The following HEATR1 variants were observed in gnomAD, a reference collection of about 807,000 sequenced individuals.
HEATR1 encodes HEAT repeat-containing protein 1.
A neutral mutation model predicts 248.2 loss-of-function variants in HEATR1; 77 were observed. That is an observed-to-expected ratio of 0.31 (90% CI 0.26 to 0.37). The LOEUF is 0.37. Among genes scored for constraint, HEATR1 ranks in the 10% least tolerant of loss-of-function variants. HEATR1 has a pLI of 1.00. For missense variants in HEATR1, 2,420 were observed against 2,504.9 expected (o/e 0.97, Z 0.72); for synonymous variants, 897 against 923.1 (o/e 0.97, Z 0.51).
At chr1:236,566,946 A>C (rs911047803) in intron 29 of HEATR1, 70 bp from the exon 30 acceptor site, 10 of 1,007,422 alleles carry the variant, frequency 9.9e-6, no homozygotes, top group African/African-American at 1.6e-5. Flanking sequence ...TAGGTGAACA[A>C]GATAAGGCTT....
chr1:236,577,031 T>G, intron 20 of HEATR1, 82 bp from the exon 21 acceptor site: 3 of 1,059,938 alleles, frequency 2.8e-6, no homozygotes, highest in Non-Finnish European at 4.0e-6. Flanking sequence ...CAAAGGTACT[T>G]GATAAAAAGT....
intron 32 of HEATR1, among the ~76,000 whole-genome samples, chr1:236,564,166 T>C (rs977602292): frequency 3.3e-5 from 5 of 152,224 alleles, no homozygotes; most frequent in African/African-American, 1.2e-4. Flanking sequence ...TGGTAGACAC[T>C]GGAGTTGTTA....
chr1:236,557,668 T>C (rs1347659100), intron 36 of HEATR1, among the ~76,000 whole-genome samples: 4 of 152,228 alleles, frequency 2.6e-5, no homozygotes, highest in African/African-American at 4.8e-5. Context: ...CTCTGTTTTA[T>C]AGACAGCAAA....
chr1:236,594,093 T>C lies in HEATR1; in HGVS notation c.1112A>G (p.Asp371Gly), dbSNP rs1450604396. The C allele has an allele frequency of 9.4e-6, 15 of 1,596,350 alleles. No homozygotes were observed. Among genetic ancestry groups the C allele is most frequent in the Non-Finnish European group, 1.3e-5 (15 of 1,172,844 alleles). Residue 371 changes from aspartate (D) to glycine (G), a missense_variant, in exon 9 of 45, where the codon GAT becomes GGT. By Grantham distance (94) the Asp-to-Gly change is moderately conservative. Transcript: ENST00000366582. The part of the protein sequence containing the change: ...HVTGEETEGM[D>G]GQIYKRHLEA... ...TAAGTGTCTCTTGTAGATTTGACCATCCATTCCTTCAGTTTCTTCTCCTTA... is the reference window on the plus strand; with the variant it reads ...TAAGTGTCTCTTGTAGATTTGACCACCCATTCCTTCAGTTTCTTCTCCTTA...
chr1:236,566,001 A>G lies in HEATR1; in HGVS notation c.4353T>C (p.Cys1451=). 1.9e-6 allele frequency: 3 copies of G among 1,613,950 alleles called. No individual in the cohort carries two copies. Among genetic ancestry groups the G allele is most frequent in the Middle Eastern group, 1.6e-4 (1 of 6,062 alleles). Reference sequence around the variant, plus strand: ...TCTGATGCTGGACACTAAACTCACAACAGACTGAAAACCAAAATTCAGTGT... The same window carrying G: ...TCTGATGCTGGACACTAAACTCACAGCAGACTGAAAACCAAAATTCAGTGT... ...EADTEFWFSV[C]CEFSVQHQIQ... The change falls in exon 31 of 45, where the codon TGT becomes TGC. Residue 1451 remains cysteine, a synonymous_variant. Coordinates refer to ENST00000366582, the MANE Select transcript of HEATR1 (RefSeq NM_018072.6).
Position 236,572,510 on chromosome 1 carries a change from T to G in HEATR1, c.3608A>C (p.Tyr1203Ser). ...CAGGATGAGAGTTACTCTTTGCCAG[T>G]AAGAACCTCCAACTTCCTGAACAGA... ...LESVQEVGGSYWQRVTLILEL... is the reference protein window; with the variant it reads ...LESVQEVGGSSWQRVTLILEL... The change falls in exon 26 of 45, where the codon TAC becomes TCC. Residue 1203 changes from tyrosine (Y) to serine (S), a missense_variant. Coordinates refer to ENST00000366582, the MANE Select transcript of HEATR1 (RefSeq NM_018072.6). 1 of 1,614,084 alleles carries G rather than the reference T, an allele frequency of 6.2e-7. No individual in the cohort carries two copies. The highest frequency in any genetic ancestry group is 8.5e-7 in the Non-Finnish European group (1 of 1,179,960).
chr1:236,595,451 A>T, intron 8 of HEATR1, 89 bp downstream of exon 8: 1 of 1,051,688 alleles, frequency 9.5e-7, no homozygotes, highest in Non-Finnish European at 1.3e-6. Flanking sequence ...AGAAATTTTA[A>T]ATATTTTGAA....
chr1:236,554,660 C>T lies in HEATR1; in HGVS notation c.6016G>A (p.Asp2006Asn). The T allele has an allele frequency of 1.9e-6, 3 of 1,613,250 alleles. No homozygotes were observed. The highest frequency in any genetic ancestry group is 2.5e-6 in the Non-Finnish European group (3 of 1,179,672). Reference protein sequence around the residue: ...LNCLYKIFLFDTQHFISKERA... With the variant: ...LNCLYKIFLFNTQHFISKERA... ...TCTTTACTTATAAAATGCTGGGTATCAAAAAGGAAGATTTTGTATAAACAG... is the reference window on the plus strand; with the variant it reads ...TCTTTACTTATAAAATGCTGGGTATTAAAAAGGAAGATTTTGTATAAACAG... The change falls in exon 42 of 45, where the codon GAT (aspartate) becomes AAT (asparagine). Residue 2006 changes from aspartate to asparagine, a missense_variant. By Grantham distance (23) the Asp-to-Asn change is conservative. Transcript: ENST00000366582.
intron 22 of HEATR1, 114 bp downstream of exon 22, chr1:236,576,105 T>G: frequency 2.9e-6 from 2 of 686,528 alleles, no homozygotes; most frequent in South Asian, 3.5e-5. Flanking sequence ...ATTACATTTA[T>G]CTCTTCTGAG....
chr1:236,558,866 TG>T, intron 35 of HEATR1, 128 bp downstream of exon 35: 1 of 816,848 alleles, frequency 1.2e-6, no homozygotes, highest in Non-Finnish European at 1.9e-6. Context: ...AAACATGTCA[TG>T]GTATTATATT....
At chr1:236,578,888 G>T (rs16833963) in intron 20 of HEATR1, among the ~76,000 whole-genome samples, 10,503 of 152,016 alleles carry the variant, frequency 0.069, 1,191 homozygotes, top group African/African-American at 0.23. Context: ...GACCAACTGC[G>T]CTAGGGTTTT....
intron 21 of HEATR1, 81 bp downstream of exon 21, chr1:236,576,699 A>G (rs1027445514): frequency 7.7e-7 from 1 of 1,295,208 alleles, no homozygotes. Context: ...ATCCCTACAC[A>G]GTGAAATGTC....
chr1:236,551,135 G>A, intron 44 of HEATR1, 145 bp from the exon 45 acceptor site: 1 of 652,566 alleles, frequency 1.5e-6, no homozygotes, highest in Non-Finnish European at 2.5e-6. Flanking sequence ...AAAGCAGGAG[G>A]CGCCACGGAC....
intron 9 of HEATR1, among the ~76,000 whole-genome samples, chr1:236,593,551 C>T (rs1375816982): frequency 8.3e-6 from 1 of 120,488 alleles, no homozygotes; most frequent in Non-Finnish European, 1.6e-5. Context: ...ACAACGCCTA[C>T]ATCTTTTCAC....
chr1:236,574,610 C>G, intron 23 of HEATR1, 51 bp downstream of exon 23: 2 of 1,558,480 alleles, frequency 1.3e-6, no homozygotes, highest in Non-Finnish European at 1.7e-6. Flanking sequence ...TGCCTTCTAC[C>G]TTTAAATGCT....
intron 5 of HEATR1, among the ~76,000 whole-genome samples, chr1:236,597,378 G>A (rs1009980175): frequency 2.6e-5 from 4 of 150,996 alleles, no homozygotes; most frequent in Admixed American, 6.6e-5. Flanking sequence ...TCAGCCTCCC[G>A]AGCAGCTGGA....
At chr1:236,576,119 A>C in intron 22 of HEATR1, 100 bp downstream of exon 22, 1 of 875,478 alleles carries the variant, frequency 1.1e-6, no homozygotes, top group Non-Finnish European at 1.7e-6. Context: ...TTCTGAGCGC[A>C]CACATGCAAC....
At chr1:236,597,024 T>G in intron 5 of HEATR1, 48 bp from the exon 6 acceptor site, 3 of 1,575,636 alleles carry the variant, frequency 1.9e-6, no homozygotes, top group Admixed American at 3.6e-5. Context: ...GAAAGGGAGG[T>G]AGAAGGATTG....
intron 38 of HEATR1, 24 bp downstream of exon 38, chr1:236,556,076 T>A (rs750041156): frequency 6.2e-7 from 1 of 1,614,084 alleles, no homozygotes; most frequent in South Asian, 1.1e-5. Context: ...TTCTCCAAAG[T>A]CTTAATACCC....
Sources: gnomAD v4.1 joint callset for allele counts (sites outside exome capture counted in the v4.1 genomes callset) on GRCh38, gnomAD v4.1.1 for gene constraint, MANE v1.5 for transcripts, NCBI Gene and HGNC (gene_info 2026-07-23, HGNC 2026-07-21) for gene names.